The following DGKB variants were observed in gnomAD, a reference collection of about 807,000 sequenced individuals.
The protein encoded by DGKB is diacylglycerol kinase beta, also known as 90 kDa diacylglycerol kinase.
DGKB carries 67 observed loss-of-function variants against 114.3 expected under a neutral mutation model. The ratio of observed to expected loss-of-function variants is 0.59; its 90% CI spans 0.48 to 0.72. The LOEUF (loss-of-function observed/expected upper bound fraction) is 0.72, where lower values mean the gene tolerates loss of function less well. Ranked by LOEUF, DGKB falls within the 30% of genes least tolerant of loss-of-function variation. The pLI is 0.00. For synonymous variants in DGKB, 398 were observed against 323.1 expected, an observed-to-expected ratio of 1.23 and a Z score of -2.49; for missense variants, 907 against 975.2, an observed-to-expected ratio of 0.93 and a Z score of 0.93.
At chr7:14,946,413 T>C (rs1416841563) in intron 1 of DGKB, among the ~76,000 whole-genome samples, 1 of 151,804 alleles carries the variant, frequency 6.6e-6, no homozygotes, top group Non-Finnish European at 1.5e-5. Flanking sequence ...CTTCTTAATA[T>C]ATTTCTTTGC....
chr7:14,485,300 GGTGTGTGTGT>G (rs60976022), intron 20 of DGKB, among the ~76,000 whole-genome samples: 5 of 141,894 alleles, frequency 3.5e-5, no homozygotes, highest in East Asian at 4.4e-4. Flanking sequence ...ATGCTCATGA[GGTGTGTGTGT>G]GTGTGTGTGT....
At chr7:14,310,996 T>C (rs190404250) in intron 23 of DGKB, among the ~76,000 whole-genome samples, 137 of 152,108 alleles carry the variant, frequency 9.0e-4, no homozygotes, top group Non-Finnish European at 1.6e-3. Context: ...GATGTGGTGG[T>C]GTGCGCCTGC....
chr7:14,337,349 T>C (rs1197026627), intron 23 of DGKB, among the ~76,000 whole-genome samples: 1 of 152,160 alleles, frequency 6.6e-6, no homozygotes, highest in Non-Finnish European at 1.5e-5. Flanking sequence ...AATTTTTTAA[T>C]TGATTTGTTA....
At chr7:14,809,324 A>G (rs1472917519) in intron 2 of DGKB, among the ~76,000 whole-genome samples, 5 of 152,040 alleles carry the variant, frequency 3.3e-5, no homozygotes, top group Non-Finnish European at 7.4e-5. Flanking sequence ...CTCAATCTCT[A>G]GCATTTCAGG....
intron 21 of DGKB, among the ~76,000 whole-genome samples, chr7:14,458,015 A>G (rs1301294742): frequency 1.3e-5 from 2 of 152,210 alleles, no homozygotes; most frequent in Non-Finnish European, 2.9e-5. Context: ...CATGTGGGCT[A>G]GCGCCCTCTG....
At chr7:14,493,479 A>G (rs1250367966) in intron 20 of DGKB, among the ~76,000 whole-genome samples, 2 of 152,002 alleles carry the variant, frequency 1.3e-5, no homozygotes, top group East Asian at 3.9e-4. Flanking sequence ...CTCCCAAAAT[A>G]TTTTCTTGTA....
chr7:14,626,009 G>A (rs149434412), intron 14 of DGKB, among the ~76,000 whole-genome samples: 5 of 152,058 alleles, frequency 3.3e-5, no homozygotes, highest in South Asian at 4.2e-4. Context: ...ATCATAAACA[G>A]AGAAGAAAAG....
At chr7:14,523,291 G>C (rs961267656) in intron 20 of DGKB, among the ~76,000 whole-genome samples, 5 of 152,282 alleles carry the variant, frequency 3.3e-5, no homozygotes, top group Middle Eastern at 6.8e-3. Flanking sequence ...GCATCATGGA[G>C]ACCACCTATG....
chr7:14,753,718 G>A (rs1834450241), intron 4 of DGKB, among the ~76,000 whole-genome samples: 2 of 152,064 alleles, frequency 1.3e-5, no homozygotes, highest in Admixed American at 1.3e-4. Flanking sequence ...TAAGGTACCA[G>A]CTCCTATTAA....
chr7:14,901,605 A>ACCCCCCCCCCCCCCCCCCTCCCC (rs1300363624), intron 1 of DGKB, among the ~76,000 whole-genome samples: 2 of 123,094 alleles, frequency 1.6e-5, no homozygotes, highest in Admixed American at 8.7e-5. Context: ...AGGGATTTCC[A>ACCCCCCCCCCCCCCCCCCTCCCC]CCCCCCCCCA....
chr7:14,825,056 A>ATATC (rs1845511827), intron 2 of DGKB, among the ~76,000 whole-genome samples: 3 of 129,406 alleles, frequency 2.3e-5, no homozygotes, highest in South Asian at 2.4e-4. Flanking sequence ...ATATATATAT[A>ATATC]TCACATGTAC....
intron 21 of DGKB, among the ~76,000 whole-genome samples, chr7:14,401,639 G>T (rs1393719416): frequency 1.3e-5 from 2 of 151,820 alleles, no homozygotes; most frequent in African/African-American, 4.8e-5. Flanking sequence ...TATGTTAGGG[G>T]TATCAGTGCT....
intron 1 of DGKB, among the ~76,000 whole-genome samples, chr7:14,967,239 C>T (rs1325679807): frequency 1.3e-5 from 2 of 152,122 alleles, no homozygotes; most frequent in Non-Finnish European, 2.9e-5. Context: ...TTCAAAACTC[C>T]TACATAAGAA....
intron 20 of DGKB, among the ~76,000 whole-genome samples, chr7:14,553,189 G>C (rs1795359356): frequency 6.6e-6 from 1 of 152,216 alleles, no homozygotes; most frequent in South Asian, 2.1e-4. Flanking sequence ...CCATCTAACA[G>C]TGAAATAAAG....
At chr7:14,896,410 G>GT (rs1334529930) in intron 1 of DGKB, among the ~76,000 whole-genome samples, 1 of 151,500 alleles carries the variant, frequency 6.6e-6, no homozygotes, top group African/African-American at 2.4e-5. Flanking sequence ...GGGCACAACG[G>GT]TAAGTAATGA....
intron 17 of DGKB, among the ~76,000 whole-genome samples, chr7:14,597,068 C>T (rs1385502504): frequency 1.3e-5 from 2 of 152,048 alleles, no homozygotes; most frequent in Non-Finnish European, 2.9e-5. Flanking sequence ...TAATACTGGT[C>T]AGAGACCATA....
At chr7:14,509,991 C>T (rs193210091) in intron 20 of DGKB, among the ~76,000 whole-genome samples, 2 of 152,182 alleles carry the variant, frequency 1.3e-5, no homozygotes, top group South Asian at 2.1e-4. Context: ...CTGGCTGACA[C>T]GGTGAAACCC....
chr7:14,236,547 G>A (rs780342575), intron 23 of DGKB, among the ~76,000 whole-genome samples: 3 of 151,844 alleles, frequency 2.0e-5, no homozygotes, highest in Non-Finnish European at 2.9e-5. Context: ...ACAGCTGATC[G>A]ATGTAATATA....
At chr7:14,754,552 A>G (rs1375237269) in intron 3 of DGKB, among the ~76,000 whole-genome samples, 2 of 148,812 alleles carry the variant, frequency 1.3e-5, no homozygotes, top group Admixed American at 6.7e-5. Context: ...ACAATTTGGA[A>G]TTGAACTTGA....
Sources: allele counts gnomAD v4.1 joint callset (sites outside exome capture counted in the v4.1 genomes callset), GRCh38; gene constraint gnomAD v4.1.1; transcripts MANE v1.5; gene names NCBI Gene and HGNC (gene_info 2026-07-23, HGNC 2026-07-21).